AKR1C2: variants seen among roughly 807,000 people sequenced by gnomAD.
AKR1C2 encodes aldo-keto reductase family 1 member C2.
Under a neutral mutation model 39.8 loss-of-function variants are expected in AKR1C2, and 27 were observed. That is an observed-to-expected ratio of 0.68 (90% confidence interval 0.50 to 0.93). The LOEUF is 0.93. Ranked by LOEUF, AKR1C2 falls within the 40% of genes least tolerant of loss-of-function variation. The probability of loss-of-function intolerance (pLI) is 0.00; values close to 1 mark genes in which losing one functional copy is unlikely to be tolerated. For missense variants in AKR1C2, 263 were observed against 365.1 expected, an observed-to-expected ratio of 0.72 and a Z score of 2.28; for synonymous variants, 114 against 137.9, an observed-to-expected ratio of 0.83 and a Z score of 1.22.
At position 5,012,150 on chromosome 10, in the gene AKR1C2, A is replaced by T. The variant is rs191401042; in HGVS notation, c.-88+5750T>A. Among the ~76,000 whole-genome samples the T allele has an allele frequency of 4.7e-3, 714 of 152,202 alleles. 7 individuals carry two copies. Among genetic ancestry groups the T allele is most frequent in the African/African-American group, 0.016 (676 of 41,498 alleles). ...GAGCTAAGGAACAGGTTTTTATTTCATTATATCTGAGATGAAATCTAGATT... is the reference window on the plus strand; with the variant it reads ...GAGCTAAGGAACAGGTTTTTATTTCTTTATATCTGAGATGAAATCTAGATT... On this transcript the variant is annotated intron_variant, in intron 1 of 6. Coordinates refer to the AKR1C2 transcript ENST00000604507.
intron 1 of AKR1C2, chr10:5,014,887 A>C (rs1837606603): frequency 6.6e-6 from 1 of 152,200 alleles, no homozygotes; most frequent in Non-Finnish European, 1.5e-5. Flanking sequence ...ATCAGTTTAG[A>C]TATTGGTTCT....
intron 7 of AKR1C2, among the ~76,000 whole-genome samples, chr10:4,992,457 T>C (rs1459484439): frequency 6.6e-6 from 1 of 152,152 alleles, no homozygotes; most frequent in African/African-American, 2.4e-5. Context: ...CTCTTTCTAA[T>C]ACATTCAATC....
chr10:5,001,666 C>T lies in AKR1C2; in HGVS notation c.100G>A (p.Ala34Thr). The change falls in exon 2 of 9, where the codon GCT becomes ACT. Residue 34 changes from alanine to threonine, a missense_variant. By Grantham distance (58) the Ala-to-Thr change is moderately conservative. This residue lies in a region of AKR1C2 where 247 missense variants were observed against 267.9 expected (regional missense o/e 0.92). Coordinates refer to ENST00000380753, the MANE Select transcript of AKR1C2 (RefSeq NM_001393392.1). Reference protein sequence around the residue: ...YAPAEVPKSKALEAVKLAIEA... With the variant: ...YAPAEVPKSKTLEAVKLAIEA... The stretch of plus-strand genomic sequence containing the variant: ...ATTGCCAATTTGACGGCCTCTAGAG[C>T]TTTACTTTTAGGAACCTGGGGGAGC... 1 of 1,613,814 alleles carries T rather than the reference C, an allele frequency of 6.2e-7. No individual in the cohort carries two copies. Among genetic ancestry groups the T allele is most frequent in the Non-Finnish European group, 8.5e-7 (1 of 1,179,786 alleles).
In AKR1C2 at chr10:4,988,150, G is replaced by A. The variant is rs1366163860; in HGVS notation, c.*1846C>T. 21 of 152,074 alleles carry A rather than the reference G, an allele frequency of 1.4e-4. No individual in the cohort carries two copies. The highest frequency in any genetic ancestry group is 2.6e-4 in the Non-Finnish European group (18 of 68,010). The allele number at this position is 152,074 out of a possible 1,614,324, so 9.4% of individuals were successfully genotyped here. On this transcript the variant is annotated 3_prime_UTR_variant, in exon 9 of 9. Coordinates refer to ENST00000380753, the MANE Select transcript of AKR1C2 (RefSeq NM_001393392.1). ...AGAGTTACACGTGCTATAGAGATTT[G>A]AAATATGAAAGTCTGCTTAAGCGTT...
chr10:5,012,464 A>C lies in AKR1C2; in HGVS notation c.-88+5436T>G, dbSNP rs377091437. On this transcript the variant is annotated intron_variant, in intron 1 of 6. Coordinates refer to the AKR1C2 transcript ENST00000604507. The stretch of plus-strand genomic sequence containing the variant: ...CTCAAAATCCTTACAAGTGGCACCC[A>C]GGAGGGCCACAATCAAAGAGGATGT... Among the ~76,000 whole-genome samples, 6 of 151,530 alleles carry C rather than the reference A, an allele frequency of 4.0e-5. No individual in the cohort carries two copies. The South Asian group carries it at 6.3e-4, about 16-fold the overall frequency.
At chr10:4,999,360 C>T in intron 3 of AKR1C2, 83 bp from the exon 4 acceptor site, 1 of 1,603,038 alleles carries the variant, frequency 6.2e-7, no homozygotes, top group Non-Finnish European at 8.5e-7. Flanking sequence ...TTTAAGGACA[C>T]TAATCCTCCA....
chr10:5,017,747 C>G (rs1167426023), intron 1 of AKR1C2, among the ~76,000 whole-genome samples: 1 of 152,234 alleles, frequency 6.6e-6, no homozygotes, highest in East Asian at 1.9e-4. Context: ...CAATGCTTCA[C>G]TATTTAGTAC....
intron 1 of AKR1C2, among the ~76,000 whole-genome samples, chr10:5,014,065 C>T (rs1334049721): frequency 1.3e-5 from 2 of 152,068 alleles, no homozygotes; most frequent in Non-Finnish European, 2.9e-5. Context: ...AAATAATGTC[C>T]CTTTGTAGAC....
intron 8 of AKR1C2, among the ~76,000 whole-genome samples, chr10:4,990,435 C>G (rs1212841681): frequency 6.6e-6 from 1 of 152,180 alleles, no homozygotes; most frequent in Non-Finnish European, 1.5e-5. Context: ...ATGCTCATCA[C>G]TAATAAACAA....
At chr10:5,000,972 G>T (rs556146810) in intron 2 of AKR1C2, among the ~76,000 whole-genome samples, 1 of 152,334 alleles carries the variant, frequency 6.6e-6, no homozygotes, top group South Asian at 2.1e-4. Flanking sequence ...ACTCATATTA[G>T]TGGTGTAATT....
chr10:5,001,125 C>G (rs1353199705), intron 2 of AKR1C2, among the ~76,000 whole-genome samples: 1 of 152,184 alleles, frequency 6.6e-6, no homozygotes, highest in Non-Finnish European at 1.5e-5. Context: ...ACTCACTGAG[C>G]TCTCTTATAT....
intron 1 of AKR1C2, among the ~76,000 whole-genome samples, chr10:5,009,016 C>A (rs1412978807): frequency 6.6e-6 from 1 of 152,050 alleles, no homozygotes; most frequent in East Asian, 1.9e-4. Flanking sequence ...AGTTAGCCTG[C>A]ATTGCTGTGG....
intron 3 of AKR1C2, chr10:5,000,202 A>C (rs1329600619): frequency 7.0e-7 from 1 of 1,419,768 alleles, no homozygotes; most frequent in African/African-American, 1.4e-5. Flanking sequence ...TTTTCTGGAC[A>C]CCACAGCTTC....
rs782025594 is a variant in AKR1C2 at position 5,000,659 on chromosome 10, C to T, written c.260G>A (p.Ser87Asn). ...EDIFYTSKLW[S>N]NSHRPELVRP... ...GACCAACTCTGGTCGATGGGAATTG[C>T]TCCAAAGCTGCAGAGGTTAGAGAAA... Residue 87 changes from serine (S) to asparagine (N), a missense_variant, in exon 3 of 9, where the codon AGC (serine) becomes AAC (asparagine). Coordinates refer to ENST00000380753, the MANE Select transcript of AKR1C2 (RefSeq NM_001393392.1). The T allele has an allele frequency of 3.7e-6, 6 of 1,613,268 alleles. No homozygotes were observed. The highest frequency in any genetic ancestry group is 4.2e-6 in the Non-Finnish European group (5 of 1,179,688).
chr10:4,993,596 A>G (rs1836915307), intron 7 of AKR1C2, among the ~76,000 whole-genome samples: 1 of 152,088 alleles, frequency 6.6e-6, no homozygotes, highest in Non-Finnish European at 1.5e-5. Flanking sequence ...ACACACACCA[A>G]CCACAAGAAA....
intron 8 of AKR1C2, among the ~76,000 whole-genome samples, chr10:4,990,816 A>G (rs1246449776): frequency 1.3e-5 from 2 of 151,688 alleles, no homozygotes; most frequent in African/African-American, 4.9e-5. Context: ...ATCATAAAAA[A>G]CATTAATCAG....
At chr10:5,014,479 G>T (rs1554775191) in intron 1 of AKR1C2, among the ~76,000 whole-genome samples, 1 of 152,020 alleles carries the variant, frequency 6.6e-6, no homozygotes, top group Non-Finnish European at 1.5e-5. Flanking sequence ...TTTTGGCATT[G>T]GTTGAACAAG....
At chr10:4,994,142 TA>T (rs1836941280) in intron 7 of AKR1C2, among the ~76,000 whole-genome samples, 1 of 151,728 alleles carries the variant, frequency 6.6e-6, no homozygotes, top group Non-Finnish European at 1.5e-5. Flanking sequence ...GGTTTTATAA[TA>T]TATATCATAC....
chr10:4,995,736 C>G lies in AKR1C2; in HGVS notation c.680+20G>C. ...TTATCAAACCAGTGTTTTAGGTAAA[C>G]TTCCTGTATCTCTTATTACCATGGT... On this transcript the variant is annotated intron_variant, in intron 6 of 8. Coordinates refer to ENST00000380753, the MANE Select transcript of AKR1C2 (RefSeq NM_001393392.1). The G allele has an allele frequency of 5.6e-6, 9 of 1,602,984 alleles. No homozygotes were observed. Among genetic ancestry groups the G allele is most frequent in the Non-Finnish European group, 7.6e-6 (9 of 1,176,982 alleles).
Sources: gnomAD v4.1 joint callset for allele counts (sites outside exome capture counted in the v4.1 genomes callset) on GRCh38, gnomAD v4.1.1 for gene constraint, gnomAD v4.1.1 regional missense constraint, MANE v1.5 for transcripts, NCBI Gene and HGNC (gene_info 2026-07-23, HGNC 2026-07-21) for gene names.